The following VPS53 variants were observed in gnomAD, a reference collection of about 807,000 sequenced individuals.
VPS53 encodes VPS53 subunit of GARP complex.
Under a neutral mutation model 107.0 loss-of-function variants are expected in VPS53, and 70 were observed. The observed-to-expected ratio is 0.65, with a 90% CI of 0.54 to 0.80. The LOEUF is 0.80. Ranked by LOEUF, VPS53 falls within the 30% of genes least tolerant of loss-of-function variation. The pLI is 0.00. For synonymous variants in VPS53, 409 were observed against 393.3 expected (o/e 1.04, Z -0.47); for missense variants, 917 against 1,049.4 (o/e 0.87, Z 1.74).
At chr17:548,901 C>T (rs1369581314) in intron 17 of VPS53, among the ~76,000 whole-genome samples, 1 of 152,236 alleles carries the variant, frequency 6.6e-6, no homozygotes, top group African/African-American at 2.4e-5. Flanking sequence ...CTGTTTCAAA[C>T]ACCACTTCCT....
At chr17:533,848 T>TGA (rs1341809136) in intron 18 of VPS53, among the ~76,000 whole-genome samples, 1 of 152,072 alleles carries the variant, frequency 6.6e-6, no homozygotes, top group African/African-American at 2.4e-5. Flanking sequence ...ATAAACTTTT[T>TGA]TTTTTTTTTG....
chr17:609,666 G>A (rs1321239747), intron 11 of VPS53, among the ~76,000 whole-genome samples: 1 of 152,148 alleles, frequency 6.6e-6, no homozygotes, highest in Admixed American at 6.5e-5. Flanking sequence ...AAAGGAAGAG[G>A]AACAGAAAGA....
intron 2 of VPS53, among the ~76,000 whole-genome samples, chr17:705,449 A>G (rs1973365277): frequency 6.6e-6 from 1 of 151,552 alleles, no homozygotes; most frequent in Non-Finnish European, 1.5e-5. Flanking sequence ...ATTAAAAATC[A>G]GCTGGGGCTG....
chr17:606,332 A>G (rs903895159), intron 11 of VPS53, among the ~76,000 whole-genome samples: 1 of 152,150 alleles, frequency 6.6e-6, no homozygotes, highest in African/African-American at 2.4e-5. Flanking sequence ...GTTCGAGTCC[A>G]GGTTCCACCA....
intron 12 of VPS53, among the ~76,000 whole-genome samples, chr17:589,726 T>C (rs895734550): frequency 2.0e-5 from 3 of 152,214 alleles, no homozygotes; most frequent in African/African-American, 7.2e-5. Flanking sequence ...TATTGTCCCA[T>C]TGATCTATAT....
intron 4 of VPS53, among the ~76,000 whole-genome samples, chr17:689,635 G>A (rs1567741898): frequency 1.3e-5 from 2 of 151,854 alleles, no homozygotes; most frequent in Admixed American, 6.6e-5. Context: ...CACTGCATCT[G>A]GCTAATTTTT....
intron 7 of VPS53, among the ~76,000 whole-genome samples, chr17:651,169 T>C (rs771872388): frequency 3.3e-5 from 5 of 152,136 alleles, no homozygotes; most frequent in Non-Finnish European, 5.9e-5. Flanking sequence ...GCGATAGCCA[T>C]TAAACTACAG....
rs1212015238 is a variant in VPS53 at position 519,960 on chromosome 17, C to T, written c.2224-30G>A. The T allele has an allele frequency of 4.8e-6, 7 of 1,469,662 alleles. No homozygotes were observed. In the East Asian group the frequency reaches 1.5e-4, roughly 31 times the overall value. The allele number at this position is 1,469,662 out of a possible 1,614,324, so 91.0% of individuals were successfully genotyped here. A position where few individuals can be genotyped will look rare whatever the true frequency, so the allele number is the denominator to read the frequency against. ...AGCGGGAGGAGACAGGAGCAAGCCCCTCAGGAAAACTACCACCACGGGAGG... is the reference window on the plus strand; with the variant it reads ...AGCGGGAGGAGACAGGAGCAAGCCCTTCAGGAAAACTACCACCACGGGAGG... On this transcript the variant is annotated intron_variant, in intron 20 of 21. Transcript: ENST00000437048. This position sits in a 1 kb window ranked among gnomAD's most constrained non-coding sequence, Gnocchi z 5.0.
intron 4 of VPS53, among the ~76,000 whole-genome samples, chr17:662,403 C>T (rs993618489): frequency 6.6e-6 from 1 of 152,172 alleles, no homozygotes; most frequent in Admixed American, 6.5e-5. Context: ...TAGAAAGGAA[C>T]ACTGGGCCGG....
intron 4 of VPS53, among the ~76,000 whole-genome samples, chr17:688,485 T>C (rs73283516): frequency 0.012 from 1,778 of 152,290 alleles, 30 homozygotes; most frequent in African/African-American, 0.04. Context: ...AACGGACTAA[T>C]ACACAAGGCT....
intron 5 of VPS53, among the ~76,000 whole-genome samples, chr17:660,016 G>A (rs1180175425): frequency 6.6e-6 from 1 of 152,174 alleles, no homozygotes; most frequent in African/African-American, 2.4e-5. Context: ...GAAGGCCCAT[G>A]GTTGATTCGC....
At chr17:583,457 C>G (rs1007783481) in intron 13 of VPS53, among the ~76,000 whole-genome samples, 2 of 151,938 alleles carry the variant, frequency 1.3e-5, no homozygotes, top group Non-Finnish European at 2.9e-5. Flanking sequence ...CAATGCGTTC[C>G]CAGAGAACCT....
intron 4 of VPS53, among the ~76,000 whole-genome samples, chr17:663,133 G>A (rs1251093023): frequency 2.0e-5 from 3 of 152,066 alleles, no homozygotes; most frequent in African/African-American, 7.2e-5. Context: ...AGCCTGGGAG[G>A]TCAAGGCTGC....
chr17:548,589 C>T (rs144478505), intron 17 of VPS53, among the ~76,000 whole-genome samples: 109 of 114,812 alleles, frequency 9.5e-4, no homozygotes, highest in Middle Eastern at 5.2e-3. Context: ...AAATATCCAA[C>T]GACTACACTC....
At chr17:548,951 C>T (rs1911557510) in intron 17 of VPS53, among the ~76,000 whole-genome samples, 1 of 152,200 alleles carries the variant, frequency 6.6e-6, no homozygotes, top group African/African-American at 2.4e-5. Flanking sequence ...GATATGAACT[C>T]CTCCCTCTTT....
chr17:710,637 T>A, intron 1 of VPS53, 24 bp from the exon 2 acceptor site: 1 of 1,525,534 alleles, frequency 6.6e-7, no homozygotes, highest in Middle Eastern at 1.7e-4. Context: ...GAGGAGTATA[T>A]ATAAAAACAT....
At position 662,834 on chromosome 17, in the gene VPS53, AAAGGAAGGAAGGAAGGAAGG is replaced by A. The variant is rs796580340; in HGVS notation, c.286-959_286-940del. ...AAAAGAAAGAAAGAGAAAGAGAAAG[AAAGGAAGGAAGGAAGGAAGG>A]AAGGAAGGAAGGAAGGAACGAAGGA... On this transcript the variant is annotated intron_variant, in intron 4 of 21. Transcript: ENST00000437048. Among the ~76,000 whole-genome samples the A allele has an allele frequency of 4.6e-4, 56 of 121,160 alleles. 1 individual carries two copies. The highest frequency in any genetic ancestry group is 2.7e-3 in the Admixed American group (30 of 11,048). The allele number at this position is 121,160 out of a possible 152,430, so 79.5% of individuals were successfully genotyped here.
Position 519,996 on chromosome 17 carries a change from G to A in VPS53, c.2224-66C>T, listed in dbSNP as rs993181986. ...TACCACCACGGGAGGAGACAGGAGC[G>A]GGCCCTCAAGAAAACTCACTACCCA... On this transcript the variant is annotated intron_variant, in intron 20 of 21. Coordinates refer to ENST00000437048, the MANE Select transcript of VPS53 (RefSeq NM_001128159.3). The surrounding 1 kb of genome is among the most constrained non-coding windows in gnomAD (Gnocchi z 5.0). The A allele has an allele frequency of 1.6e-5, 19 of 1,195,176 alleles. No homozygotes were observed. Among genetic ancestry groups the A allele is most frequent in the African/African-American group, 4.6e-5 (3 of 65,794 alleles). 74.0% of individuals were successfully genotyped at this position (1,195,176 alleles called of 1,614,324 possible).
chr17:592,601 C>T (rs1473321736), intron 12 of VPS53, among the ~76,000 whole-genome samples: 1 of 152,160 alleles, frequency 6.6e-6, no homozygotes, highest in Admixed American at 6.5e-5. Flanking sequence ...GACAAAATCT[C>T]TCAGCAGTTG....
Sources: allele counts gnomAD v4.1 joint callset (sites outside exome capture counted in the v4.1 genomes callset), GRCh38; gene constraint gnomAD v4.1.1; non-coding constraint Gnocchi (gnomAD v3.1); transcripts MANE v1.5; gene names NCBI Gene and HGNC (gene_info 2026-07-23, HGNC 2026-07-21).